The following POLR1B variants were observed in gnomAD, a reference collection of about 807,000 sequenced individuals.
POLR1B encodes DNA-directed RNA polymerase I subunit RPA2.
POLR1B carries 30 observed loss-of-function variants against 105.8 expected under a neutral mutation model. That is an observed-to-expected ratio of 0.28 (90% CI 0.21 to 0.38). The LOEUF (loss-of-function observed/expected upper bound fraction) is 0.38. Ranked by LOEUF, POLR1B falls within the 10% of genes least tolerant of loss-of-function variation. The probability of loss-of-function intolerance (pLI) is 1.00; values close to 1 mark genes in which losing one functional copy is unlikely to be tolerated. For missense variants in POLR1B, 976 were observed against 1,435.8 expected (o/e 0.68, Z 5.17); for synonymous variants, 485 against 505.1 (o/e 0.96, Z 0.53).
Position 112,579,037 on chromosome 2 carries a change from G to A in POLR1B, c.*3308G>A, listed in dbSNP as rs12618629. 0.48 allele frequency among the ~76,000 whole-genome samples: 72,237 copies of A among 151,324 alleles called. 19,751 individuals carry two copies. Among genetic ancestry groups the A allele is most frequent in the Non-Finnish European group, 0.62 (42,077 of 67,778 alleles). Reference sequence around the variant, plus strand: ...AGCCTGGCCATCATGGGGAAACCCCGTCTCTATTAAAAATACAAAAATTAG... The same window carrying A: ...AGCCTGGCCATCATGGGGAAACCCCATCTCTATTAAAAATACAAAAATTAG... On this transcript the variant is annotated 3_prime_UTR_variant, in exon 15 of 15. Transcript: ENST00000263331.
chr2:112,549,499 CTT>C (rs34591927), intron 4 of POLR1B, 100 bp downstream of exon 4: 28,730 of 566,422 alleles, frequency 0.051, no homozygotes, highest in East Asian at 0.074. Flanking sequence ...ATTTTTGTTT[CTT>C]TTTTTTTTTT....
chr2:112,571,169 T>C (rs1368251900), intron 12 of POLR1B, among the ~76,000 whole-genome samples: 2 of 152,208 alleles, frequency 1.3e-5, no homozygotes, highest in African/African-American at 4.8e-5. Context: ...ATTTTGAACA[T>C]AGTTTTATAT....
At chr2:112,542,145 T>G (rs1558650002), upstream of POLR1B, 2 of 1,535,688 alleles carry the variant, frequency 1.3e-6, no homozygotes, top group East Asian at 4.9e-5. Context: ...CCTAATTGAC[T>G]GAGCCAATGA....
In POLR1B at chr2:112,574,707, G is replaced by A. The variant is rs185387430; in HGVS notation, c.2526-140G>A. 987 of 793,220 alleles carry A rather than the reference G, an allele frequency of 1.2e-3. 5 individuals are homozygous for A. Among genetic ancestry groups the A allele is most frequent in the Admixed American group, 6.6e-3 (200 of 30,168 alleles). 49.1% of individuals were successfully genotyped at this position (793,220 alleles called of 1,614,324 possible). ...ACCGCACTCCAGCCTGGGCAACAGAGTGAGACCCTGTATCATAAAAAAAAA... is the reference window on the plus strand; with the variant it reads ...ACCGCACTCCAGCCTGGGCAACAGAATGAGACCCTGTATCATAAAAAAAAA... On this transcript the variant is annotated intron_variant, in intron 14 of 14. Transcript: ENST00000263331.
chr2:112,569,981 C>T (rs1188282937), intron 12 of POLR1B, among the ~76,000 whole-genome samples: 8 of 151,756 alleles, frequency 5.3e-5, no homozygotes, highest in Non-Finnish European at 2.9e-5. Flanking sequence ...TATATTTAAA[C>T]CTTTTGATAT....
rs1168803103 is a variant in POLR1B, at chr2:112,572,627, C to T, written c.2140C>T (p.Leu714Phe). The T allele has an allele frequency of 2.5e-6, 4 of 1,613,112 alleles. No homozygotes were observed. The Admixed American group carries it at 5.0e-5, about 20-fold the overall frequency. ...CCGATCGGATAACAAACTGTATCGT[C>T]TTCAGACTCCTCAGAGTCCCTTGGT... Reference protein sequence around the residue: ...QDRSDNKLYRLQTPQSPLVRP... With the variant: ...QDRSDNKLYRFQTPQSPLVRP... Residue 714 changes from leucine (L) to phenylalanine (F), a missense_variant, in exon 13 of 15, where the codon CTT (leucine) becomes TTT (phenylalanine). Coordinates refer to ENST00000263331, the MANE Select transcript of POLR1B (RefSeq NM_019014.6).
rs915189183 is a variant in POLR1B at position 112,577,335 on chromosome 2, G to T, written c.*1606G>T. 5.9e-5 allele frequency among the ~76,000 whole-genome samples: 9 copies of T among 152,188 alleles called. No homozygotes were observed. Among genetic ancestry groups the T allele is most frequent in the African/African-American group, 2.2e-4 (9 of 41,448 alleles). Reference sequence around the variant, plus strand: ...TAGGCAGGAGCAATCACTTGTGCCTGGGAGTTCTAGACTAGCCTGGGCGAG... The same window carrying T: ...TAGGCAGGAGCAATCACTTGTGCCTTGGAGTTCTAGACTAGCCTGGGCGAG... On this transcript the variant is annotated 3_prime_UTR_variant, in exon 15 of 15. Coordinates refer to ENST00000263331, the MANE Select transcript of POLR1B (RefSeq NM_019014.6).
In POLR1B at chr2:112,552,810, C is replaced by T; in HGVS notation, c.1152C>T (p.Phe384=). 1 of 1,582,256 alleles carries T rather than the reference C, an allele frequency of 6.3e-7. No individual in the cohort carries two copies. Among genetic ancestry groups the T allele is most frequent in the Non-Finnish European group, 8.6e-7 (1 of 1,166,018 alleles). The part of the protein sequence containing the change: ...VLTPGQLFLM[F]LKEKLEGWLV... ...CACCGGGTCAGCTCTTCCTTATGTTCCTGAAGGTAAATGCATGCTATGTCC... is the reference window on the plus strand; with the variant it reads ...CACCGGGTCAGCTCTTCCTTATGTTTCTGAAGGTAAATGCATGCTATGTCC... The change falls in exon 7 of 15, where the codon TTC becomes TTT. Residue 384 remains phenylalanine (F), a synonymous_variant. Coordinates refer to ENST00000263331, the MANE Select transcript of POLR1B (RefSeq NM_019014.6).
At chr2:112,559,861 A>C (rs1683878473) in intron 9 of POLR1B, among the ~76,000 whole-genome samples, 1 of 151,884 alleles carries the variant, frequency 6.6e-6, no homozygotes, top group African/African-American at 2.4e-5. Context: ...CGATCTCCTG[A>C]CCTCGTGATG....
chr2:112,572,843 G>A, intron 13 of POLR1B, 85 bp downstream of exon 13: 1 of 1,215,312 alleles, frequency 8.2e-7, no homozygotes, highest in Non-Finnish European at 1.1e-6. Context: ...GAATATTTTT[G>A]TGTACCCAAG....
chr2:112,543,909 C>A (rs1682898591), intron 1 of POLR1B, among the ~76,000 whole-genome samples: 1 of 151,894 alleles, frequency 6.6e-6, no homozygotes, highest in Non-Finnish European at 1.5e-5. Context: ...CATAGTGAAA[C>A]CCCATCTCCA....
At chr2:112,572,848 C>A in intron 13 of POLR1B, 90 bp downstream of exon 13, 1 of 1,160,190 alleles carries the variant, frequency 8.6e-7, no homozygotes, top group Non-Finnish European at 1.2e-6. Context: ...TTTTTGTGTA[C>A]CCAAGTACCT....
rs13409416 is a variant in POLR1B at position 112,566,015 on chromosome 2, C to T, written c.1746+1516C>T. Reference sequence around the variant, plus strand: ...CTGAGACTACAGGTGTGTACCACCACGCCCGGCTAATTTTTTTTATTTTTA... The same window carrying T: ...CTGAGACTACAGGTGTGTACCACCATGCCCGGCTAATTTTTTTTATTTTTA... On this transcript the variant is annotated intron_variant, in intron 10 of 14. Coordinates refer to ENST00000263331, the MANE Select transcript of POLR1B (RefSeq NM_019014.6). 1.0e-3 allele frequency among the ~76,000 whole-genome samples: 153 copies of T among 152,156 alleles called. 1 individual carries two copies. The Middle Eastern group carries it at 0.017, about 17-fold the overall frequency.
Position 112,559,302 on chromosome 2 carries a change from T to G in POLR1B, c.1340T>G (p.Leu447Arg). The change falls in exon 9 of 15, where the codon CTC (leucine) becomes CGC (arginine). Residue 447 changes from leucine to arginine, a missense_variant. Leu to Arg is a moderately radical substitution (Grantham distance 102, BLOSUM62 -2). Transcript: ENST00000263331. The part of the protein sequence containing the change: ...GNLRSKTGLG[L>R]LQDSGLCVVA... ...CTTTTGTTTTATTAAGGTCTTGGCC[T>G]CCTACAAGATTCTGGACTTTGTGTT... 6.2e-7 allele frequency: 1 copy of G among 1,614,006 alleles called. No individual in the cohort carries two copies. Among genetic ancestry groups the G allele is most frequent in the Non-Finnish European group, 8.5e-7 (1 of 1,179,866 alleles).
At chr2:112,542,446 G>A (rs906702082), upstream of POLR1B, 4 of 1,327,074 alleles carry the variant, frequency 3.0e-6, no homozygotes, top group Non-Finnish European at 4.0e-6. Context: ...CCGAGAGACT[G>A]GCGTCCGGCG....
chr2:112,567,734 T>C (rs1202179468), intron 10 of POLR1B, among the ~76,000 whole-genome samples: 2 of 152,170 alleles, frequency 1.3e-5, no homozygotes, highest in African/African-American at 4.8e-5. Flanking sequence ...TACTGTATTT[T>C]AGATCACAGA....
At chr2:112,550,771 TTG>T (rs1683324667) in intron 4 of POLR1B, 93 bp from the exon 5 acceptor site, 1 of 1,311,438 alleles carries the variant, frequency 7.6e-7, no homozygotes, top group South Asian at 1.4e-5. Flanking sequence ...TTGGCTTTAA[TTG>T]TGTCTAAGAG....
chr2:112,556,810 TC>T (rs1683685003), intron 7 of POLR1B, among the ~76,000 whole-genome samples: 1 of 152,228 alleles, frequency 6.6e-6, no homozygotes, highest in Admixed American at 6.5e-5. Flanking sequence ...AGTCTTTTTT[TC>T]TTTTATTTTT....
rs1465149954 is a variant in POLR1B at position 112,559,548 on chromosome 2, C to T, written c.1586C>T (p.Ser529Phe). 1 of 1,614,066 alleles carries T rather than the reference C, an allele frequency of 6.2e-7. No individual in the cohort carries two copies. The highest frequency in any genetic ancestry group is 1.3e-5 in the African/African-American group (1 of 74,936). The change falls in exon 9 of 15, where the codon TCT (serine) becomes TTT (phenylalanine). Residue 529 changes from serine to phenylalanine, a missense_variant. Coordinates refer to ENST00000263331, the MANE Select transcript of POLR1B (RefSeq NM_019014.6). ...EVVTQFVYTASIPALLCNLGV... is the reference protein window; with the variant it reads ...EVVTQFVYTAFIPALLCNLGV... Reference sequence around the variant, plus strand: ...GTCACACAGTTTGTGTATACGGCATCTATTCCAGCTTTACTGTGCAACTTG... The same window carrying T: ...GTCACACAGTTTGTGTATACGGCATTTATTCCAGCTTTACTGTGCAACTTG...
Sources: gnomAD v4.1 joint callset for allele counts (sites outside exome capture counted in the v4.1 genomes callset) on GRCh38, gnomAD v4.1.1 for gene constraint, MANE v1.5 for transcripts, NCBI Gene and HGNC (gene_info 2026-07-23, HGNC 2026-07-21) for gene names.